Variants in EBF3 observed in about 807,000 individuals in gnomAD.
The protein encoded by EBF3 is EBF transcription factor 3, also known as transcription factor COE3.
EBF3 carries 18 observed loss-of-function variants against 77.1 expected under a neutral mutation model. The observed-to-expected ratio is 0.23, with a 90% confidence interval of 0.16 to 0.35. The LOEUF (loss-of-function observed/expected upper bound fraction) is 0.35, where lower values mean the gene tolerates loss of function less well. Ranked by LOEUF, EBF3 falls within the 10% of genes least tolerant of loss-of-function variation. The probability of loss-of-function intolerance (pLI) is 1.00; values close to 1 mark genes in which losing one functional copy is unlikely to be tolerated. For missense variants in EBF3, 558 were observed against 860.0 expected (o/e 0.65, Z 4.39); for synonymous variants, 350 against 343.5 (o/e 1.02, Z -0.21).
At chr10:129,928,509 C>T (rs1326852505) in intron 6 of EBF3, among the ~76,000 whole-genome samples, 2 of 152,202 alleles carry the variant, frequency 1.3e-5, no homozygotes. Flanking sequence ...TATTTCACAG[C>T]TCCCTGTTGT....
Position 129,863,904 on chromosome 10 carries a change from A to G in EBF3, c.1039+3237T>C. ...TGGGGGAGCCAATAGGTTAACCTCC[A>G]GCCAGGAAAGGCTGGGCTGTGGCAA... On this transcript the variant is annotated intron_variant, in intron 10 of 16. Coordinates refer to ENST00000440978, the MANE Select transcript of EBF3 (RefSeq NM_001375380.1). The surrounding 1 kb of genome is among the most constrained non-coding windows in gnomAD (Gnocchi z 4.0). Among the ~76,000 whole-genome samples the G allele has an allele frequency of 6.6e-6, 1 of 152,100 alleles. No homozygotes were observed.
At chr10:129,847,547 A>C (rs1425576658) in intron 11 of EBF3, among the ~76,000 whole-genome samples, 1 of 152,262 alleles carries the variant, frequency 6.6e-6, no homozygotes, top group Non-Finnish European at 1.5e-5. Context: ...AGCATTAAAA[A>C]GGTAATGTCT....
rs1050927012 is a variant in EBF3 at position 129,861,486 on chromosome 10, C to T, written c.1039+5655G>A. On this transcript the variant is annotated intron_variant, in intron 10 of 16. Transcript: ENST00000440978. The surrounding 1 kb of genome is among the most constrained non-coding windows in gnomAD (Gnocchi z 4.3). ...CCTGAGCTGAACACACAGACCCAAGCTATTCTCTGATAGAACCAACCTGAT... is the reference window on the plus strand; with the variant it reads ...CCTGAGCTGAACACACAGACCCAAGTTATTCTCTGATAGAACCAACCTGAT... 6.6e-6 allele frequency among the ~76,000 whole-genome samples: 1 copy of T among 151,924 alleles called. No individual in the cohort carries two copies. Among genetic ancestry groups the T allele is most frequent in the Non-Finnish European group, 1.5e-5 (1 of 68,024 alleles).
chr10:129,899,570 G>A (rs1564870497), intron 6 of EBF3, among the ~76,000 whole-genome samples: 3 of 152,186 alleles, frequency 2.0e-5, no homozygotes, highest in South Asian at 2.1e-4. Flanking sequence ...GAGGAGAAAC[G>A]GACATGTCCC....
At chr10:129,907,564 T>C (rs1047002816) in intron 6 of EBF3, among the ~76,000 whole-genome samples, 1 of 152,134 alleles carries the variant, frequency 6.6e-6, no homozygotes, top group Non-Finnish European at 1.5e-5. Flanking sequence ...TAATGGATAG[T>C]CACCCCAACC....
At chr10:129,907,093 C>G (rs1017978246) in intron 6 of EBF3, among the ~76,000 whole-genome samples, 1 of 152,230 alleles carries the variant, frequency 6.6e-6, no homozygotes, top group East Asian at 1.9e-4. Context: ...GTGGAAACAG[C>G]TAATGTATAC....
Position 129,873,584 on chromosome 10 carries a change from T to C in EBF3, c.649A>G (p.Thr217Ala). 6.5e-7 allele frequency: 1 copy of C among 1,547,960 alleles called. No individual in the cohort carries two copies. Among genetic ancestry groups the C allele is most frequent in the South Asian group, 1.2e-5 (1 of 82,060 alleles). Residue 217 changes from threonine (T) to alanine (A), a missense_variant, in exon 8 of 17, where the codon ACA (threonine) becomes GCA (alanine). Physicochemically the swap from Thr to Ala is moderately conservative, Grantham distance 58. Around this residue, in one of 5 missense-constraint regions of EBF3, gnomAD observed 112 missense variants for 207.7 expected, o/e 0.54. Coordinates refer to ENST00000440978, the MANE Select transcript of EBF3 (RefSeq NM_001375380.1). ...DMRRFQVVVS[T>A]TVNVDGHVLA... Reference sequence around the variant, plus strand: ...ACGTGGCCGTCCACGTTGACTGTTGTCGATACAACAACCTGCAAAGATGAA... The same window carrying C: ...ACGTGGCCGTCCACGTTGACTGTTGCCGATACAACAACCTGCAAAGATGAA...
chr10:129,871,241 G>A (rs1306631065), intron 8 of EBF3, among the ~76,000 whole-genome samples: 2 of 152,120 alleles, frequency 1.3e-5, no homozygotes, highest in Non-Finnish European at 2.9e-5. Context: ...GAGGGGACAA[G>A]TGACAAGGAA....
chr10:129,875,713 C>T (rs764698296), intron 7 of EBF3, among the ~76,000 whole-genome samples: 8 of 152,234 alleles, frequency 5.3e-5, no homozygotes, highest in Non-Finnish European at 1.0e-4. Context: ...CCTTGGGTAT[C>T]TCAGCACCCT....
chr10:129,932,314 G>C (rs897949944), intron 6 of EBF3, among the ~76,000 whole-genome samples: 3 of 152,290 alleles, frequency 2.0e-5, no homozygotes, highest in Admixed American at 2.0e-4. Flanking sequence ...CCTAGCCTGG[G>C]AGGCAATCCC....
chr10:129,854,584 G>A (rs1252588690), intron 10 of EBF3, among the ~76,000 whole-genome samples: 1 of 152,080 alleles, frequency 6.6e-6, no homozygotes, highest in Admixed American at 6.5e-5. Flanking sequence ...ACATTAACGC[G>A]GCCATGGAAT....
At chr10:129,936,172 G>T (rs558920438) in intron 6 of EBF3, among the ~76,000 whole-genome samples, 31 of 152,324 alleles carry the variant, frequency 2.0e-4, no homozygotes, top group Middle Eastern at 3.4e-3. Flanking sequence ...CCACCTGACA[G>T]TTATAAAGTC....
chr10:129,838,561 G>A (rs561520149), intron 16 of EBF3, among the ~76,000 whole-genome samples: 42 of 152,300 alleles, frequency 2.8e-4, no homozygotes, highest in Admixed American at 7.2e-4. Flanking sequence ...CAAGGGCCAC[G>A]GAGAGACGTG....
intron 6 of EBF3, among the ~76,000 whole-genome samples, chr10:129,891,511 T>C (rs1372581390): frequency 6.6e-6 from 1 of 152,240 alleles, no homozygotes; most frequent in East Asian, 1.9e-4. Flanking sequence ...TTATTCTTTG[T>C]CTTTGTCCTA....
chr10:129,881,580 T>A (rs984189084), intron 6 of EBF3, among the ~76,000 whole-genome samples: 3 of 152,190 alleles, frequency 2.0e-5, no homozygotes, highest in African/African-American at 7.2e-5. Context: ...GTGATCTTAT[T>A]ACTTTTGAAA....
chr10:129,881,463 G>C (rs976048412), intron 6 of EBF3, among the ~76,000 whole-genome samples: 1 of 152,160 alleles, frequency 6.6e-6, no homozygotes, highest in Admixed American at 6.5e-5. Context: ...ACAGCAGCTC[G>C]AGATAAACTG....
chr10:129,856,507 A>G (rs1353346595), intron 10 of EBF3, among the ~76,000 whole-genome samples: 1 of 152,152 alleles, frequency 6.6e-6, no homozygotes, highest in East Asian at 1.9e-4. Flanking sequence ...GGCCCCATTT[A>G]TAGGAAATAT....
Position 129,944,788 on chromosome 10 carries a change from A to G in EBF3, c.554+12470T>C, listed in dbSNP as rs186448015. On this transcript the variant is annotated intron_variant, in intron 6 of 16. Transcript: ENST00000440978. The surrounding 1 kb of genome is among the most constrained non-coding windows in gnomAD (Gnocchi z 5.1). ...TTCACATTTTACCTGGTGAAATATC[A>G]TAAGAATTTCATTATCTTTGCAGCT... Among the ~76,000 whole-genome samples the G allele has an allele frequency of 2.0e-5, 3 of 152,136 alleles. No homozygotes were observed. The highest frequency in any genetic ancestry group is 1.9e-4 in the East Asian group (1 of 5,130).
intron 6 of EBF3, among the ~76,000 whole-genome samples, chr10:129,948,644 G>T (rs1858428908): frequency 6.6e-6 from 1 of 151,132 alleles, no homozygotes; most frequent in Non-Finnish European, 1.5e-5. Flanking sequence ...GGAGGTGGGG[G>T]GATATGGGAA....
Sources: allele counts gnomAD v4.1 joint callset (sites outside exome capture counted in the v4.1 genomes callset), GRCh38; gene constraint gnomAD v4.1.1; regional missense constraint gnomAD v4.1.1; non-coding constraint Gnocchi (gnomAD v3.1); transcripts MANE v1.5; gene names NCBI Gene and HGNC (gene_info 2026-07-23, HGNC 2026-07-21).